Variants in MSH3 observed in about 807,000 individuals in gnomAD.
MSH3 encodes the protein DNA mismatch repair protein Msh3.
MSH3 carries 106 observed loss-of-function variants against 123.3 expected under a neutral mutation model. The observed-to-expected ratio is 0.86, with a 90% CI of 0.73 to 1.01. The LOEUF is 1.01. Ranked by LOEUF, MSH3 falls within the 50% of genes least tolerant of loss-of-function variation. The pLI is 0.00. For missense variants in MSH3, 1,459 were observed against 1,347.6 expected (o/e 1.08, Z -1.29); for synonymous variants, 515 against 481.4 (o/e 1.07, Z -0.91).
intron 8 of MSH3, among the ~76,000 whole-genome samples, chr5:80,691,600 C>T (rs903544030): frequency 6.7e-6 from 1 of 149,490 alleles, no homozygotes; most frequent in Non-Finnish European, 1.5e-5. Flanking sequence ...CAGTGCAATT[C>T]TAATCAAAAG....
chr5:80,841,840 TC>T (rs1463321740), intron 20 of MSH3, among the ~76,000 whole-genome samples: 1 of 152,230 alleles, frequency 6.6e-6, no homozygotes, highest in Non-Finnish European at 1.5e-5. Context: ...AAAATTTTTC[TC>T]CCATTCTGTA....
intron 8 of MSH3, among the ~76,000 whole-genome samples, chr5:80,708,553 G>A (rs1464000910): frequency 6.6e-6 from 1 of 151,888 alleles, no homozygotes; most frequent in Non-Finnish European, 1.5e-5. Context: ...GAACTCCTGG[G>A]CCCAAGTGAT....
chr5:80,834,536 A>G (rs1427051739), intron 20 of MSH3, among the ~76,000 whole-genome samples: 1 of 149,002 alleles, frequency 6.7e-6, no homozygotes, highest in Non-Finnish European at 1.5e-5. Context: ...TCCTCCTGTA[A>G]TAGAAATAAT....
rs573025900 is a variant in MSH3, at chr5:80,824,342, A to G, written c.2813+10601A>G. ...GAGGCGCCCCCCACCTCCCTCCCGG[A>G]CGGGGCGGCTGGCCGGGTGGGGGCT... On this transcript the variant is annotated intron_variant, in intron 20 of 23. Transcript: ENST00000265081. Among the ~76,000 whole-genome samples the G allele has an allele frequency of 5.0e-4, 76 of 150,622 alleles. 2 individuals are homozygous for G. The highest frequency in any genetic ancestry group is 1.7e-3 in the African/African-American group (71 of 41,010).
At chr5:80,865,833 G>C (rs1471410082) in intron 22 of MSH3, among the ~76,000 whole-genome samples, 1 of 152,152 alleles carries the variant, frequency 6.6e-6, no homozygotes, top group African/African-American at 2.4e-5. Flanking sequence ...CAGGCAGCTG[G>C]CCCAAATAAA....
At chr5:80,660,621 C>T (rs148500687) in intron 2 of MSH3, among the ~76,000 whole-genome samples, 15 of 152,130 alleles carry the variant, frequency 9.9e-5, no homozygotes, top group Non-Finnish European at 2.1e-4. Context: ...TGTATTTCTT[C>T]GGAGATTCTT....
chr5:80,761,775 A>G (rs1423253714), intron 13 of MSH3, 97 bp downstream of exon 13: 3 of 1,357,286 alleles, frequency 2.2e-6, no homozygotes, highest in African/African-American at 2.9e-5. Context: ...TTATTATTTT[A>G]TTTTGTAAAA....
chr5:80,821,690 T>A (rs1157666543), intron 20 of MSH3, among the ~76,000 whole-genome samples: 1 of 152,246 alleles, frequency 6.6e-6, no homozygotes, highest in Non-Finnish European at 1.5e-5. Context: ...CCACAGGGCC[T>A]GTGTCCCTGC....
At position 80,665,318 on chromosome 5, in the gene MSH3, G is replaced by T. The variant is rs569679162; in HGVS notation, c.534G>T (p.Lys178Asn). Reference protein sequence around the residue: ...DFDDISLLHAKNAVSSEDSKR... With the variant: ...DFDDISLLHANNAVSSEDSKR... The stretch of plus-strand genomic sequence containing the variant: ...ATGATATCAGTCTTCTACACGCAAA[G>T]AATGCAGTTTCTTCTGAAGATTCGA... The change falls in exon 3 of 24, where the codon AAG becomes AAT. Residue 178 changes from lysine to asparagine, a missense_variant. Physicochemically the swap from Lys to Asn is moderately conservative, Grantham distance 94 (BLOSUM62 0). Coordinates refer to ENST00000265081, the MANE Select transcript of MSH3 (RefSeq NM_002439.5). 3.0e-5 allele frequency: 48 copies of T among 1,613,440 alleles called. No homozygotes were observed. In the South Asian group the frequency reaches 5.1e-4, roughly 17 times the overall value.
chr5:80,747,096 C>T (rs780756087), intron 12 of MSH3, among the ~76,000 whole-genome samples: 5 of 152,146 alleles, frequency 3.3e-5, no homozygotes, highest in South Asian at 2.1e-4. Context: ...GTAGAGCAGA[C>T]GCAGACAAGA....
chr5:80,810,194 T>TATATATATATAA (rs1554074256), intron 19 of MSH3, among the ~76,000 whole-genome samples: 1 of 146,858 alleles, frequency 6.8e-6, no homozygotes, highest in African/African-American at 2.5e-5. Flanking sequence ...TATATATATA[T>TATATATATATAA]AAACTAGTAG....
intron 19 of MSH3, among the ~76,000 whole-genome samples, chr5:80,797,301 C>T (rs1744715265): frequency 6.6e-6 from 1 of 152,176 alleles, no homozygotes; most frequent in South Asian, 2.1e-4. Flanking sequence ...AGAACAGGGA[C>T]TACATCTCTG....
chr5:80,854,138 C>T lies in MSH3; in HGVS notation c.2822C>T (p.Ala941Val), dbSNP rs756771653. Residue 941 changes from alanine to valine, a missense_variant, in exon 21 of 24, where the codon GCT (alanine) becomes GTT (valine). Transcript: ENST00000265081. ...TTTCATCTTGCTTGTAGGATGGGTG[C>T]TGCAGACAATATATATAAAGGACAG... ...IVDGIFTRMG[A>V]ADNIYKGQST... is the part of the protein sequence containing the mutation. 1.2e-6 allele frequency: 2 copies of T among 1,613,170 alleles called. No individual in the cohort carries two copies. The highest frequency in any genetic ancestry group is 1.7e-6 in the Non-Finnish European group (2 of 1,179,380).
chr5:80,679,854 G>A (rs938839150), intron 8 of MSH3, among the ~76,000 whole-genome samples: 3 of 152,220 alleles, frequency 2.0e-5, no homozygotes, highest in African/African-American at 7.2e-5. Context: ...GTGGGAAAGA[G>A]ACCAGAAAGG....
At chr5:80,717,078 A>G (rs1750978350) in intron 8 of MSH3, among the ~76,000 whole-genome samples, 1 of 152,164 alleles carries the variant, frequency 6.6e-6, no homozygotes, top group Non-Finnish European at 1.5e-5. Flanking sequence ...CATTGTGTGT[A>G]TATTCCACAT....
chr5:80,789,794 C>T (rs545787621), intron 18 of MSH3, among the ~76,000 whole-genome samples: 2 of 152,194 alleles, frequency 1.3e-5, no homozygotes, highest in South Asian at 2.1e-4. Flanking sequence ...AATGTGGTTA[C>T]ACATGAAAGT....
intron 12 of MSH3, among the ~76,000 whole-genome samples, chr5:80,752,139 T>C (rs1461406248): frequency 6.6e-6 from 1 of 151,802 alleles, no homozygotes; most frequent in Non-Finnish European, 1.5e-5. Flanking sequence ...GAAACATTTA[T>C]ATATATATTT....
At chr5:80,709,207 A>ATGTG (rs1491153058) in intron 8 of MSH3, among the ~76,000 whole-genome samples, 15 of 117,024 alleles carry the variant, frequency 1.3e-4, no homozygotes, top group South Asian at 2.9e-4. Flanking sequence ...TATAAAATAG[A>ATGTG]TATGTGTGTG....
intron 18 of MSH3, among the ~76,000 whole-genome samples, chr5:80,791,034 G>C (rs1744597885): frequency 6.6e-6 from 1 of 152,152 alleles, no homozygotes; most frequent in Non-Finnish European, 1.5e-5. Flanking sequence ...CATTCAATAG[G>C]AAACATTCAT....
Sources: gnomAD v4.1 joint callset for allele counts (sites outside exome capture counted in the v4.1 genomes callset) on GRCh38, gnomAD v4.1.1 for gene constraint, MANE v1.5 for transcripts, NCBI Gene and HGNC (gene_info 2026-07-23, HGNC 2026-07-21) for gene names.